The following ADAM9 variants were observed in gnomAD, a reference collection of about 807,000 sequenced individuals.
ADAM9 encodes ADAM metallopeptidase domain 9.
A neutral mutation model predicts 108.1 loss-of-function variants in ADAM9; 54 were observed. That is an observed-to-expected ratio of 0.50 (90% CI 0.40 to 0.63). The LOEUF (loss-of-function observed/expected upper bound fraction) is 0.63, where lower values mean the gene tolerates loss of function less well. Among genes scored for constraint, ADAM9 ranks in the 20% least tolerant of loss-of-function variants. The pLI, the probability that ADAM9 is intolerant of heterozygous loss-of-function variation, is 0.00. For missense variants in ADAM9, 830 were observed against 997.7 expected (o/e 0.83, Z 2.26); for synonymous variants, 316 against 336.0 (o/e 0.94, Z 0.65).
chr8:39,088,500 G>T (rs1277870871), intron 18 of ADAM9, among the ~76,000 whole-genome samples: 3 of 151,986 alleles, frequency 2.0e-5, no homozygotes, highest in Non-Finnish European at 2.9e-5. Context: ...CTTGTGATCC[G>T]CCTGCCTCGG....
At chr8:38,999,311 A>C (rs1835925003) in intron 1 of ADAM9, among the ~76,000 whole-genome samples, 1 of 143,816 alleles carries the variant, frequency 7.0e-6, no homozygotes, top group African/African-American at 2.5e-5. Flanking sequence ...ATTTCCAAAC[A>C]GCTAACTTTC....
chr8:39,090,290 A>G (rs1394613425), intron 19 of ADAM9, 102 bp downstream of exon 19: 10 of 998,986 alleles, frequency 1.0e-5, no homozygotes, highest in African/African-American at 1.6e-5. Context: ...CCCCTGCCTC[A>G]GCCTTCCAAG....
intron 21 of ADAM9, among the ~76,000 whole-genome samples, chr8:39,102,509 T>A (rs1472133652): frequency 6.6e-6 from 1 of 152,160 alleles, no homozygotes; most frequent in Non-Finnish European, 1.5e-5. Context: ...GGAGGCACCC[T>A]GGCAAACATC....
At chr8:39,093,823 G>A (rs1429111412) in intron 20 of ADAM9, among the ~76,000 whole-genome samples, 1 of 152,194 alleles carries the variant, frequency 6.6e-6, no homozygotes, top group Non-Finnish European at 1.5e-5. Context: ...AGGCTGCAGT[G>A]CAGTGGCACG....
At chr8:39,000,766 C>G (rs1835969282) in intron 1 of ADAM9, among the ~76,000 whole-genome samples, 1 of 152,174 alleles carries the variant, frequency 6.6e-6, no homozygotes, top group African/African-American at 2.4e-5. Flanking sequence ...CACACCTGGC[C>G]TTAAATCACA....
chr8:39,072,128 T>G lies in ADAM9; in HGVS notation c.1697+725T>G, dbSNP rs73602778. Among the ~76,000 whole-genome samples the G allele has an allele frequency of 4.1e-3, 623 of 152,374 alleles. 4 individuals carry two copies. The highest frequency in any genetic ancestry group is 0.014 in the African/African-American group (591 of 41,588). Reference sequence around the variant, plus strand: ...ATGAATTTAAAATATTTTATATTTCTACAATTAACATTTGCTTTTTGTAAA... The same window carrying G: ...ATGAATTTAAAATATTTTATATTTCGACAATTAACATTTGCTTTTTGTAAA... On this transcript the variant is annotated intron_variant, in intron 15 of 21. Coordinates refer to ENST00000487273, the MANE Select transcript of ADAM9 (RefSeq NM_003816.3).
chr8:39,013,278 A>G (rs1175307707), intron 3 of ADAM9, among the ~76,000 whole-genome samples: 2 of 152,128 alleles, frequency 1.3e-5, no homozygotes, highest in Admixed American at 1.3e-4. Context: ...GTAAAAAACC[A>G]TTTATTTTTC....
chr8:39,068,232 G>A (rs774740969), intron 14 of ADAM9, among the ~76,000 whole-genome samples: 2 of 152,124 alleles, frequency 1.3e-5, no homozygotes, highest in Non-Finnish European at 2.9e-5. Context: ...CATGGGGGAG[G>A]CTTGTTAACT....
At chr8:39,042,911 C>T (rs1482828870) in intron 12 of ADAM9, among the ~76,000 whole-genome samples, 1 of 152,110 alleles carries the variant, frequency 6.6e-6, no homozygotes, top group Non-Finnish European at 1.5e-5. Flanking sequence ...ATCGGCAGCT[C>T]CCCATTTTCC....
chr8:39,007,168 A>G (rs1836189790), intron 1 of ADAM9, among the ~76,000 whole-genome samples: 1 of 152,202 alleles, frequency 6.6e-6, no homozygotes, highest in Non-Finnish European at 1.5e-5. Context: ...TACAGAGGTC[A>G]TAAGGCAAGA....
intron 14 of ADAM9, among the ~76,000 whole-genome samples, chr8:39,060,180 G>T (rs1276722731): frequency 1.3e-5 from 2 of 152,206 alleles, no homozygotes; most frequent in Non-Finnish European, 2.9e-5. Flanking sequence ...CAAAAGGAGA[G>T]TAGTTATTCG....
At chr8:39,025,152 G>A (rs1234914506) in intron 9 of ADAM9, among the ~76,000 whole-genome samples, 4 of 152,168 alleles carry the variant, frequency 2.6e-5, no homozygotes, top group African/African-American at 9.6e-5. Flanking sequence ...GTGCAGCGGT[G>A]CAGTCTTGGC....
intron 16 of ADAM9, among the ~76,000 whole-genome samples, chr8:39,078,725 G>A (rs914715785): frequency 5.3e-5 from 8 of 152,128 alleles, no homozygotes; most frequent in African/African-American, 9.7e-5. Context: ...AGGTTGCAGT[G>A]AGCCGAGATT....
intron 18 of ADAM9, 127 bp from the exon 19 acceptor site, chr8:39,089,920 A>G (rs551885018): frequency 3.0e-5 from 31 of 1,047,460 alleles, no homozygotes; most frequent in East Asian, 9.6e-5. Flanking sequence ...AGACTTCTCA[A>G]TATATTCAAT....
chr8:39,030,927 GTTTCT>G (rs982632375), intron 11 of ADAM9, among the ~76,000 whole-genome samples: 131 of 152,196 alleles, frequency 8.6e-4, no homozygotes, highest in African/African-American at 3.1e-3. Context: ...TAATCAGATT[GTTTCT>G]TTTCTTATTT....
intron 16 of ADAM9, 82 bp from the exon 17 acceptor site, chr8:39,082,559 C>A: frequency 1.0e-6 from 1 of 990,350 alleles, no homozygotes; most frequent in Non-Finnish European, 1.6e-6. Context: ...ATGAAATAAT[C>A]TGTACCCAGG....
chr8:39,023,140 A>G lies in ADAM9; in HGVS notation c.745-16A>G. ...TCTTTACTATATTTTATATACTTTT[A>G]TTTCTTTCTTCCCAGATGTATATTA... On this transcript the variant is annotated splice_polypyrimidine_tract_variant and intron_variant, in intron 8 of 21. Transcript: ENST00000487273. 1 of 1,600,774 alleles carries G rather than the reference A, an allele frequency of 6.2e-7. No individual in the cohort carries two copies. The highest frequency in any genetic ancestry group is 8.6e-7 in the Non-Finnish European group (1 of 1,169,354).
rs1226387470 is a variant in ADAM9, at chr8:39,022,129, TGTTTG to T, written c.744+421_744+425del. Among the ~76,000 whole-genome samples, 4 of 149,632 alleles carry T rather than the reference TGTTTG, an allele frequency of 2.7e-5. No homozygotes were observed. The East Asian group carries it at 7.8e-4, about 29-fold the overall frequency. On this transcript the variant is annotated intron_variant, in intron 8 of 21. Transcript: ENST00000487273. ...GAGAGAGAGAGAGAGAGAAAGAGAG[TGTTTG>T]GTTTGAGATTTTGGAGTTCATCCGG...
At chr8:39,014,145 A>C in intron 4 of ADAM9, 102 bp downstream of exon 4, 1 of 925,976 alleles carries the variant, frequency 1.1e-6, no homozygotes, top group Non-Finnish European at 1.8e-6. Flanking sequence ...GCACAGCCCC[A>C]CAGGGTACCT....
Sources: gnomAD v4.1 joint callset for allele counts (sites outside exome capture counted in the v4.1 genomes callset) on GRCh38, gnomAD v4.1.1 for gene constraint, MANE v1.5 for transcripts, NCBI Gene and HGNC (gene_info 2026-07-23, HGNC 2026-07-21) for gene names.